MGAT5: variants seen among roughly 807,000 people sequenced by gnomAD.
MGAT5 encodes alpha-1,6-mannosylglycoprotein 6-beta-N-acetylglucosaminyltransferase.
MGAT5 carries 30 observed loss-of-function variants against 94.3 expected under a neutral mutation model. The ratio of observed to expected loss-of-function variants is 0.32; its 90% CI spans 0.24 to 0.43. MGAT5 has a LOEUF of 0.43. Ranked by LOEUF, MGAT5 falls within the 20% of genes least tolerant of loss-of-function variation. The pLI, the probability that MGAT5 is intolerant of heterozygous loss-of-function variation, is 1.00. For missense variants in MGAT5, 691 were observed against 905.5 expected, an observed-to-expected ratio of 0.76 and a Z score of 3.04; for synonymous variants, 310 against 322.9, an observed-to-expected ratio of 0.96 and a Z score of 0.43.
intron 2 of MGAT5, among the ~76,000 whole-genome samples, chr2:134,294,180 G>T (rs938428033): frequency 6.6e-6 from 1 of 152,106 alleles, no homozygotes; most frequent in African/African-American, 2.4e-5. Context: ...ACTGTTTTAG[G>T]CATCATCAGG....
chr2:134,234,397 T>C (rs977711098), intron 1 of MGAT5, among the ~76,000 whole-genome samples: 1 of 152,264 alleles, frequency 6.6e-6, no homozygotes, highest in Non-Finnish European at 1.5e-5. Context: ...TTCAAGAAGT[T>C]TGAGTCTCAA....
intron 1 of MGAT5, among the ~76,000 whole-genome samples, chr2:134,149,420 T>TA (rs74513169): frequency 0.15 from 22,328 of 147,036 alleles, 3,043 homozygotes; most frequent in African/African-American, 0.38. Context: ...CAAGGGTGAG[T>TA]AAAAAAAAAA....
intron 14 of MGAT5, among the ~76,000 whole-genome samples, chr2:134,429,553 G>C (rs192562199): frequency 1.3e-5 from 2 of 152,308 alleles, no homozygotes; most frequent in Admixed American, 1.3e-4. Flanking sequence ...GGCCTACTTC[G>C]TAGGGCTGAT....
At chr2:134,357,608 G>A (rs1679827543) in intron 9 of MGAT5, among the ~76,000 whole-genome samples, 1 of 152,162 alleles carries the variant, frequency 6.6e-6, no homozygotes, top group African/African-American at 2.4e-5. Flanking sequence ...CTTGAATCAG[G>A]AGGGCTCTTG....
chr2:134,225,031 A>G (rs772537195), intron 1 of MGAT5, among the ~76,000 whole-genome samples: 2 of 140,688 alleles, frequency 1.4e-5, no homozygotes, highest in Non-Finnish European at 3.0e-5. Context: ...GTGAGCTATG[A>G]TCTTACTGCA....
intron 4 of MGAT5, among the ~76,000 whole-genome samples, chr2:134,328,273 C>T (rs1445977455): frequency 6.6e-6 from 1 of 152,036 alleles, no homozygotes; most frequent in Admixed American, 6.6e-5. Flanking sequence ...TCCCTCTGGC[C>T]CTGTACTCTG....
At chr2:134,258,791 G>C (rs1378954551) in intron 1 of MGAT5, among the ~76,000 whole-genome samples, 1 of 152,198 alleles carries the variant, frequency 6.6e-6, no homozygotes, top group Non-Finnish European at 1.5e-5. Context: ...GAGCCAACTG[G>C]TTTGTCTTTG....
intron 7 of MGAT5, among the ~76,000 whole-genome samples, chr2:134,342,285 G>A (rs1688676956): frequency 6.6e-6 from 1 of 152,124 alleles, no homozygotes; most frequent in South Asian, 2.1e-4. Context: ...TCTAGCTCCA[G>A]CCCTCCTGTA....
At chr2:134,317,197 T>C (rs923465014) in intron 2 of MGAT5, among the ~76,000 whole-genome samples, 1 of 152,164 alleles carries the variant, frequency 6.6e-6, no homozygotes, top group African/African-American at 2.4e-5. Context: ...ATCACATGGC[T>C]TTATTTCCTG....
chr2:134,381,363 A>ATAGATAGATAGG lies in MGAT5; in HGVS notation c.1380+18961_1380+18962insGATAGGTAGATA, dbSNP rs1681540549. ...GATAGATAGATAGATAGATAGATAG[A>ATAGATAGATAGG]TAGATAAGATAAGATAGATTAGATA... is the stretch of plus-strand genomic sequence containing the variant. On this transcript the variant is annotated intron_variant, in intron 10 of 15. Transcript: ENST00000281923. 5.9e-5 allele frequency among the ~76,000 whole-genome samples: 5 copies of ATAGATAGATAGG among 84,754 alleles called. No homozygotes were observed. In the Admixed American group the frequency reaches 6.3e-4, roughly 11 times the overall value. The allele number at this position is 84,754 out of a possible 152,430, so 55.6% of individuals were successfully genotyped here. A position where few individuals can be genotyped will look rare whatever the true frequency, so the allele number is the denominator to read the frequency against.
In MGAT5 at chr2:134,402,412, C is replaced by T. The variant is rs535221435; in HGVS notation, c.1381-576C>T. Reference sequence around the variant, plus strand: ...CTACCTGAGTATTCTCATTATCTCTCCAGCTGTGAGAAACTCTCATCTTCC... The same window carrying T: ...CTACCTGAGTATTCTCATTATCTCTTCAGCTGTGAGAAACTCTCATCTTCC... On this transcript the variant is annotated intron_variant, in intron 10 of 15. Coordinates refer to ENST00000281923, the MANE Select transcript of MGAT5 (RefSeq NM_002410.5). Among the ~76,000 whole-genome samples the T allele has an allele frequency of 8.5e-5, 13 of 152,320 alleles. No homozygotes were observed. The South Asian group carries it at 1.7e-3, about 19-fold the overall frequency.
intron 7 of MGAT5, 80 bp from the exon 8 acceptor site, chr2:134,344,850 C>A: frequency 6.5e-7 from 1 of 1,540,278 alleles, no homozygotes; most frequent in Non-Finnish European, 8.8e-7. Context: ...GGCATTTGCC[C>A]ATTAAAGTTG....
chr2:134,252,266 G>T (rs759743562), upstream of MGAT5, among the ~76,000 whole-genome samples: 6 of 152,178 alleles, frequency 3.9e-5, no homozygotes, highest in Non-Finnish European at 4.4e-5. Flanking sequence ...AGGAGCAGCC[G>T]AGTGAAGAAG....
intron 2 of MGAT5, among the ~76,000 whole-genome samples, chr2:134,287,066 A>G (rs1685055946): frequency 6.6e-6 from 1 of 152,108 alleles, no homozygotes; most frequent in East Asian, 1.9e-4. Context: ...TCATCTCCCT[A>G]CAGTCTTTCT....
intron 8 of MGAT5, among the ~76,000 whole-genome samples, chr2:134,347,132 TA>T (rs1688966428): frequency 6.6e-6 from 1 of 152,128 alleles, no homozygotes; most frequent in Admixed American, 6.5e-5. Flanking sequence ...ATTATAAAAA[TA>T]GTTGCAAAAC....
chr2:134,244,205 A>G (rs979452400), intron 1 of MGAT5, among the ~76,000 whole-genome samples: 15 of 152,184 alleles, frequency 9.9e-5, no homozygotes, highest in Non-Finnish European at 2.9e-5. Flanking sequence ...CTTTTCACAG[A>G]TGATTCTTTC....
chr2:134,197,265 G>A (rs945041628), intron 1 of MGAT5, among the ~76,000 whole-genome samples: 5 of 152,186 alleles, frequency 3.3e-5, no homozygotes, highest in African/African-American at 4.8e-5. Context: ...GAACTTGACC[G>A]TGATGTTGTG....
chr2:134,362,495 A>T, intron 10 of MGAT5, 87 bp downstream of exon 10: 1 of 1,496,372 alleles, frequency 6.7e-7, no homozygotes. Flanking sequence ...TAATCAAGCC[A>T]AGTGCCCAGG....
intron 10 of MGAT5, among the ~76,000 whole-genome samples, chr2:134,372,304 G>A (rs1446117563): frequency 3.3e-5 from 5 of 152,170 alleles, no homozygotes; most frequent in South Asian, 2.1e-4. Flanking sequence ...TCAACCACAC[G>A]GCTTCCAAGG....
Sources: allele counts gnomAD v4.1 joint callset (sites outside exome capture counted in the v4.1 genomes callset), GRCh38; gene constraint gnomAD v4.1.1; transcripts MANE v1.5; gene names NCBI Gene and HGNC (gene_info 2026-07-23, HGNC 2026-07-21).